The following GLRA3 variants were observed in gnomAD, a reference collection of about 807,000 sequenced individuals.
GLRA3 encodes glycine receptor alpha 3, also known as glycine receptor subunit alpha-3.
In GLRA3, 44 loss-of-function variants were observed where a neutral mutation model predicts 60.4. The observed-to-expected ratio is 0.73, with a 90% CI of 0.57 to 0.94. GLRA3 has a LOEUF of 0.94. Ranked by LOEUF, GLRA3 falls within the 40% of genes least tolerant of loss-of-function variation. The pLI is 0.00. For synonymous variants in GLRA3, 223 were observed against 192.9 expected (o/e 1.16, Z -1.29); for missense variants, 508 against 564.6 (o/e 0.90, Z 1.02).
intron 5 of GLRA3, among the ~76,000 whole-genome samples, chr4:174,688,455 C>T (rs1411460721): frequency 6.7e-6 from 1 of 148,768 alleles, no homozygotes; most frequent in East Asian, 2.0e-4. Flanking sequence ...TTTATAGAAG[C>T]AGAGACTTAT....
rs77693046 is a variant in GLRA3, at chr4:174,657,798, G to A, written c.1072-1011C>T. On this transcript the variant is annotated intron_variant, in intron 8 of 9. Transcript: ENST00000274093. ...ATATGTTTCAGTGTACAAAAGATATGCGTCTGTTTTCATAAAAATTTAATT... is the reference window on the plus strand; with the variant it reads ...ATATGTTTCAGTGTACAAAAGATATACGTCTGTTTTCATAAAAATTTAATT... Among the ~76,000 whole-genome samples, 1,229 of 152,206 alleles carry A rather than the reference G, an allele frequency of 8.1e-3. 15 individuals are homozygous for A. Among genetic ancestry groups the A allele is most frequent in the African/African-American group, 0.027 (1,110 of 41,544 alleles).
intron 3 of GLRA3, among the ~76,000 whole-genome samples, chr4:174,756,497 A>G (rs188499029): frequency 2.6e-5 from 4 of 152,298 alleles, no homozygotes; most frequent in African/African-American, 7.2e-5. Context: ...TGAAGGAGAA[A>G]AACATAATCA....
intron 3 of GLRA3, among the ~76,000 whole-genome samples, chr4:174,765,968 A>G (rs2111235068): frequency 6.6e-6 from 1 of 151,566 alleles, no homozygotes; most frequent in South Asian, 2.1e-4. Flanking sequence ...TGATGCCTGT[A>G]TAAAGCCTCT....
chr4:174,784,491 AC>A (rs201547826), intron 2 of GLRA3, among the ~76,000 whole-genome samples: 24,429 of 149,478 alleles, frequency 0.16, 2,366 homozygotes, highest in East Asian at 0.45. Flanking sequence ...CAAAAAAAAA[AC>A]CAAAAACACA....
chr4:174,688,324 T>C (rs1352810838), intron 5 of GLRA3, among the ~76,000 whole-genome samples: 2 of 7,108 alleles, frequency 2.8e-4, no homozygotes, highest in African/African-American at 1.3e-3. Flanking sequence ...ACATCATATA[T>C]ATATATATAT....
chr4:174,786,349 G>A (rs988137657), intron 2 of GLRA3, among the ~76,000 whole-genome samples: 12 of 151,960 alleles, frequency 7.9e-5, no homozygotes, highest in African/African-American at 2.9e-4. Context: ...CAGGAGAACA[G>A]GTTCTTCATT....
At chr4:174,695,745 C>T (rs539801406) in intron 5 of GLRA3, among the ~76,000 whole-genome samples, 1 of 152,186 alleles carries the variant, frequency 6.6e-6, no homozygotes, top group South Asian at 2.1e-4. Context: ...GCAGAGCTAT[C>T]AGGCAAGACA....
At position 174,643,225 on chromosome 4, in the gene GLRA3, G is replaced by T; in HGVS notation, c.*561C>A. The T allele has an allele frequency of 1.4e-6, 1 of 698,884 alleles. No individual in the cohort carries two copies. The highest frequency in any genetic ancestry group is 1.8e-6 in the Non-Finnish European group (1 of 569,592). The allele number at this position is 698,884 out of a possible 1,614,324, so 43.3% of individuals were successfully genotyped here. A position where few individuals can be genotyped will look rare whatever the true frequency, so the allele number is the denominator to read the frequency against. The stretch of plus-strand genomic sequence containing the variant: ...AAATTTAGTATTCCAAATCATTAAA[G>T]TCTTTTAATGCTCTTATTTAAAAAT... On this transcript the variant is annotated 3_prime_UTR_variant, in exon 10 of 10. Coordinates refer to ENST00000274093, the MANE Select transcript of GLRA3 (RefSeq NM_006529.4).
In GLRA3 at chr4:174,823,767, C is replaced by T. The variant is rs138375549; in HGVS notation, c.71+4974G>A. Among the ~76,000 whole-genome samples, 858 of 152,160 alleles carry T rather than the reference C, an allele frequency of 5.6e-3. 8 individuals carry two copies. The highest frequency in any genetic ancestry group is 0.019 in the African/African-American group (793 of 41,518). ...AATATGGACTAGTTTATTAGATTAG[C>T]TGAAATTAGAGAAATGCTAATGTTA... is the stretch of plus-strand genomic sequence containing the variant. On this transcript the variant is annotated intron_variant, in intron 1 of 9. Transcript: ENST00000274093.
intron 2 of GLRA3, among the ~76,000 whole-genome samples, chr4:174,777,874 AT>A (rs1017215622): frequency 5.3e-5 from 8 of 152,310 alleles, no homozygotes; most frequent in Admixed American, 3.3e-4. Flanking sequence ...AAGTCTATTA[AT>A]TTAAAAAAGT....
At chr4:174,735,858 G>A (rs550948703) in intron 3 of GLRA3, among the ~76,000 whole-genome samples, 29 of 152,214 alleles carry the variant, frequency 1.9e-4, no homozygotes, top group Non-Finnish European at 4.4e-5. Flanking sequence ...GCCTCATTTT[G>A]TATATTTAAT....
chr4:174,677,158 G>C lies in GLRA3; in HGVS notation c.847C>G (p.Pro283Ala). ...VSFWINMDAA[P>A]ARVALGITTV... ...GTTATCCCCAGAGCTACCCTGGCCG[G>C]TGCTGCATCCATGTTGATCCAGAAT... is the stretch of plus-strand genomic sequence containing the variant. Residue 283 changes from proline to alanine, a missense_variant, in exon 7 of 10, where the codon CCG becomes GCG. Physicochemically the swap from Pro to Ala is conservative, Grantham distance 27. This residue lies in a region of GLRA3 where 329 missense variants were observed against 349.3 expected (regional missense o/e 0.94). Coordinates refer to ENST00000274093, the MANE Select transcript of GLRA3 (RefSeq NM_006529.4). The C allele has an allele frequency of 6.2e-7, 1 of 1,613,182 alleles. No individual in the cohort carries two copies. The highest frequency in any genetic ancestry group is 8.5e-7 in the Non-Finnish European group (1 of 1,179,234).
intron 1 of GLRA3, among the ~76,000 whole-genome samples, chr4:174,826,631 A>G (rs761859317): frequency 1.1e-4 from 16 of 152,194 alleles, no homozygotes; most frequent in Admixed American, 2.0e-4. Flanking sequence ...AAAAGTCTGT[A>G]CTAGTGAATT....
chr4:174,692,311 G>A (rs1734866848), intron 5 of GLRA3, among the ~76,000 whole-genome samples: 2 of 145,904 alleles, frequency 1.4e-5, no homozygotes, highest in African/African-American at 5.2e-5. Flanking sequence ...GTCTGGGAGG[G>A]AGGTGGGGGG....
At chr4:174,708,996 T>G (rs1179041024) in intron 5 of GLRA3, among the ~76,000 whole-genome samples, 1 of 152,046 alleles carries the variant, frequency 6.6e-6, no homozygotes, top group South Asian at 2.1e-4. Flanking sequence ...CCTCTTTCTC[T>G]TCTATATCAT....
intron 7 of GLRA3, among the ~76,000 whole-genome samples, chr4:174,671,589 A>G (rs1371053573): frequency 6.6e-6 from 1 of 152,154 alleles, no homozygotes; most frequent in Non-Finnish European, 1.5e-5. Context: ...CATTTTTAAA[A>G]TTGGTGTTAT....
chr4:174,785,006 G>T (rs541255861), intron 2 of GLRA3, among the ~76,000 whole-genome samples: 1 of 152,224 alleles, frequency 6.6e-6, no homozygotes, highest in African/African-American at 2.4e-5. Flanking sequence ...ACTTATTTCA[G>T]TATTGATTTA....
chr4:174,690,660 C>T (rs948446987), intron 5 of GLRA3, among the ~76,000 whole-genome samples: 1 of 152,118 alleles, frequency 6.6e-6, no homozygotes, highest in Non-Finnish European at 1.5e-5. Flanking sequence ...CCCTTCTCTT[C>T]CTCTCCCACC....
intron 3 of GLRA3, among the ~76,000 whole-genome samples, chr4:174,764,282 A>G (rs779766543): frequency 4.6e-5 from 7 of 152,128 alleles, no homozygotes; most frequent in Non-Finnish European, 1.0e-4. Flanking sequence ...TAAAAGTGAG[A>G]CATACCAGTT....
Sources: allele counts gnomAD v4.1 joint callset (sites outside exome capture counted in the v4.1 genomes callset), GRCh38; gene constraint gnomAD v4.1.1; regional missense constraint gnomAD v4.1.1; transcripts MANE v1.5; gene names NCBI Gene and HGNC (gene_info 2026-07-23, HGNC 2026-07-21).